Variants in GEMIN7 observed in about 807,000 individuals in gnomAD.
The protein encoded by GEMIN7 is gem-associated protein 7.
Under a neutral mutation model 7.8 loss-of-function variants are expected in GEMIN7, and 7 were observed. The observed-to-expected ratio is 0.90, with a 90% CI of 0.51 to 1.69. The LOEUF (loss-of-function observed/expected upper bound fraction) is 1.69, where lower values mean the gene tolerates loss of function less well. Ranked by LOEUF, GEMIN7 falls within the 40% of genes most tolerant of loss-of-function variation. The probability of loss-of-function intolerance (pLI) is 0.00; values close to 1 mark genes in which losing one functional copy is unlikely to be tolerated. For synonymous variants in GEMIN7, 68 were observed against 72.4 expected (o/e 0.94, Z 0.31); for missense variants, 159 against 176.2 (o/e 0.90, Z 0.55).
At chr19:45,076,325 G>A (rs916209849), upstream of GEMIN7, 19 of 1,407,988 alleles carry the variant, frequency 1.3e-5, no homozygotes, top group Admixed American at 8.7e-5. This position sits in a 1 kb window ranked among gnomAD's most constrained non-coding sequence, Gnocchi z 4.9. Context: ...TTGGCGGCGG[G>A]CGCGGGCTCT....
chr19:45,076,424 G>A (rs935184737), upstream of GEMIN7: 7 of 1,201,696 alleles, frequency 5.8e-6, no homozygotes, highest in African/African-American at 1.6e-5. The surrounding 1 kb of genome is among the most constrained non-coding windows in gnomAD (Gnocchi z 4.9). Context: ...AGGCGGGCGG[G>A]CGGAGGACGC....
chr19:45,088,341 C>T (rs1967772118), intron 2 of GEMIN7, among the ~76,000 whole-genome samples: 1 of 151,720 alleles, frequency 6.6e-6, no homozygotes, highest in African/African-American at 2.4e-5. Context: ...TTTGTTTTTT[C>T]TAAGACAAAG....
intron 2 of GEMIN7, among the ~76,000 whole-genome samples, chr19:45,087,513 CA>C (rs1261304936): frequency 2.0e-5 from 3 of 152,116 alleles, no homozygotes; most frequent in African/African-American, 7.2e-5. Context: ...GTGGGAAAAG[CA>C]AGGTGGCCAC....
intron 2 of GEMIN7, among the ~76,000 whole-genome samples, chr19:45,085,075 C>A (rs1221119260): frequency 6.6e-6 from 1 of 151,996 alleles, no homozygotes; most frequent in Non-Finnish European, 1.5e-5. Flanking sequence ...GCCCGGCCAA[C>A]ACCCGGCTAA....
rs1967843513 is a variant in GEMIN7 at position 45,090,150 on chromosome 19, C to T, written c.36C>T (p.Leu12=). The change falls in exon 3 of 3, where the codon CTC becomes CTT. Residue 12 remains leucine, a synonymous_variant. Coordinates refer to ENST00000270257, the MANE Select transcript of GEMIN7 (RefSeq NM_024707.3). Reference sequence around the variant, plus strand: ...CAGTGAACATTCCCGTGCCTGTGCTCCGGCTGCCCCGGGGCCCTGATGGCT... The same window carrying T: ...CAGTGAACATTCCCGTGCCTGTGCTTCGGCTGCCCCGGGGCCCTGATGGCT... ...QTPVNIPVPV[L]RLPRGPDGFS... The T allele has an allele frequency of 2.5e-6, 4 of 1,613,726 alleles. No homozygotes were observed. Among genetic ancestry groups the T allele is most frequent in the South Asian group, 1.1e-5 (1 of 91,078 alleles).
At chr19:45,080,284 G>A (rs1208756042) in intron 2 of GEMIN7, among the ~76,000 whole-genome samples, 4 of 152,074 alleles carry the variant, frequency 2.6e-5, no homozygotes, top group Non-Finnish European at 5.9e-5. Context: ...TCACACCTTG[G>A]CTCCACAGTC....
At chr19:45,078,078 C>T (rs980084569), upstream of GEMIN7, among the ~76,000 whole-genome samples, 3 of 149,740 alleles carry the variant, frequency 2.0e-5, no homozygotes, top group African/African-American at 7.4e-5. Flanking sequence ...ACCCACTATC[C>T]CATTGCCCTT....
intron 2 of GEMIN7, among the ~76,000 whole-genome samples, chr19:45,084,353 G>A (rs1030036508): frequency 1.4e-5 from 2 of 147,004 alleles, no homozygotes; most frequent in African/African-American, 2.5e-5. Context: ...AATATAGTGC[G>A]ACTTCATCTC....
Position 45,090,570 on chromosome 19 carries a change from T to C in GEMIN7, c.*60T>C. ...GCACTGTATCCCAGGCCTCCCAATG[T>C]TCCCGAGCCAGGAACTCTGGGCCCC... is the stretch of plus-strand genomic sequence containing the variant. On this transcript the variant is annotated 3_prime_UTR_variant, in exon 3 of 3. Coordinates refer to ENST00000270257, the MANE Select transcript of GEMIN7 (RefSeq NM_024707.3). 6 of 1,496,030 alleles carry C rather than the reference T, an allele frequency of 4.0e-6. No individual in the cohort carries two copies. The highest frequency in any genetic ancestry group is 1.8e-4 in the Middle Eastern group (1 of 5,618). The allele number at this position is 1,496,030 out of a possible 1,614,324, so 92.7% of individuals were successfully genotyped here.
chr19:45,079,412 G>A (rs912838160), intron 1 of GEMIN7, 35 bp downstream of exon 1: 1 of 152,306 alleles, frequency 6.6e-6, no homozygotes, highest in African/African-American at 2.4e-5. Flanking sequence ...CTGGAGGGAC[G>A]TTCTGGTCCC....
At chr19:45,084,808 C>T (rs1268532196) in intron 2 of GEMIN7, among the ~76,000 whole-genome samples, 7 of 152,216 alleles carry the variant, frequency 4.6e-5, no homozygotes, top group African/African-American at 7.2e-5. Context: ...TAGGCTGGAG[C>T]GCAATGGCGC....
At chr19:45,075,859 C>A, upstream of GEMIN7, 2 of 1,613,360 alleles carry the variant, frequency 1.2e-6, no homozygotes, top group East Asian at 2.2e-5. Context: ...CCAGGGCTGG[C>A]GGTCTGCAGG....
At chr19:45,080,196 AG>A (rs149478896) in intron 2 of GEMIN7, among the ~76,000 whole-genome samples, 167 bp downstream of exon 2, 1,724 of 152,264 alleles carry the variant, frequency 0.011, 34 homozygotes, top group African/African-American at 0.04. Flanking sequence ...CCAGGTCACC[AG>A]GGACAATGGA....
chr19:45,089,950 T>C (rs574552424), intron 2 of GEMIN7, 157 bp from the exon 3 acceptor site: 43 of 722,620 alleles, frequency 6.0e-5, no homozygotes, highest in African/African-American at 5.3e-4. Context: ...ATCCAAGCCA[T>C]TGGGGGACGA....
chr19:45,076,386 G>T (rs748072498), upstream of GEMIN7: 3 of 1,279,162 alleles, frequency 2.3e-6, no homozygotes, highest in Non-Finnish European at 2.0e-6. The surrounding 1 kb of genome is among the most constrained non-coding windows in gnomAD (Gnocchi z 4.9). Context: ...GTCGCGGGCC[G>T]GGCGAGCGAG....
Position 45,084,635 on chromosome 19 carries a change from G to A in GEMIN7, c.-9+4606G>A, listed in dbSNP as rs538186291. Among the ~76,000 whole-genome samples the A allele has an allele frequency of 5.9e-5, 9 of 152,054 alleles. No homozygotes were observed. The South Asian group carries it at 1.7e-3, about 28-fold the overall frequency. ...CTGTCACCCAGACTGGAGTGCAGTG[G>A]CACAATATCTCAGCTCACTGCAACC... On this transcript the variant is annotated intron_variant, in intron 2 of 2. Transcript: ENST00000270257.
chr19:45,077,566 C>A (rs1967380430), upstream of GEMIN7, among the ~76,000 whole-genome samples: 1 of 152,196 alleles, frequency 6.6e-6, no homozygotes, highest in African/African-American at 2.4e-5. Context: ...AAGAACCTGT[C>A]CTCCCCCAGC....
intron 2 of GEMIN7, among the ~76,000 whole-genome samples, chr19:45,081,073 G>A (rs568182817): frequency 6.2e-4 from 94 of 152,284 alleles, no homozygotes; most frequent in African/African-American, 2.2e-3. Flanking sequence ...AGGCTGAGGT[G>A]GGAGGATATC....
intron 2 of GEMIN7, among the ~76,000 whole-genome samples, chr19:45,081,109 G>T (rs1282687609): frequency 6.6e-6 from 1 of 152,152 alleles, no homozygotes; most frequent in Admixed American, 6.5e-5. Context: ...CAAGATTAGC[G>T]TGGGCAATAC....
Sources: allele counts gnomAD v4.1 joint callset (sites outside exome capture counted in the v4.1 genomes callset), GRCh38; gene constraint gnomAD v4.1.1; non-coding constraint Gnocchi (gnomAD v3.1); transcripts MANE v1.5; gene names NCBI Gene and HGNC (gene_info 2026-07-23, HGNC 2026-07-21).